MEGF6: variants seen among roughly 807,000 people sequenced by gnomAD.
MEGF6 encodes the protein multiple EGF like domains 6, also known as multiple epidermal growth factor-like domains protein 6.
In MEGF6, 184 loss-of-function variants were observed where a neutral mutation model predicts 207.1. The observed-to-expected ratio is 0.89, with a 90% CI of 0.79 to 1.00. The LOEUF is 1.00. MEGF6 is among the 50% of genes least tolerant of loss of function. The pLI is 0.00. For synonymous variants in MEGF6, 1,038 were observed against 910.0 expected, an observed-to-expected ratio of 1.14 and a Z score of -2.53; for missense variants, 2,282 against 2,202.9, an observed-to-expected ratio of 1.04 and a Z score of -0.72.
chr1:3,555,973 C>T (rs1385271749), intron 4 of MEGF6, among the ~76,000 whole-genome samples: 1 of 152,266 alleles, frequency 6.6e-6, no homozygotes, highest in East Asian at 1.9e-4. Context: ...CTAGGACTGG[C>T]TACATCTCAA....
intron 4 of MEGF6, among the ~76,000 whole-genome samples, chr1:3,525,173 C>G (rs1641914479): frequency 6.6e-6 from 1 of 152,198 alleles, no homozygotes; most frequent in African/African-American, 2.4e-5. Context: ...TATCCCAGGA[C>G]AGAAGCCTTC....
At chr1:3,528,296 C>A (rs1026593689) in intron 4 of MEGF6, among the ~76,000 whole-genome samples, 14 of 152,348 alleles carry the variant, frequency 9.2e-5, no homozygotes, top group Non-Finnish European at 2.1e-4. Flanking sequence ...GTCACCCAAA[C>A]CCTCTCTGCC....
At chr1:3,548,889 A>C (rs1310286102) in intron 4 of MEGF6, among the ~76,000 whole-genome samples, 1 of 152,064 alleles carries the variant, frequency 6.6e-6, no homozygotes, top group Admixed American at 6.5e-5. Context: ...CCACACCCAC[A>C]GGAAAAGCCC....
At chr1:3,501,962 G>C (rs1225657325) in intron 17 of MEGF6, 41 bp from the exon 18 acceptor site, 2 of 1,496,000 alleles carry the variant, frequency 1.3e-6, no homozygotes, top group Admixed American at 4.0e-5. Flanking sequence ...GCACCACGTG[G>C]AGTGGACTGA....
rs1198672426 is a variant in MEGF6 at position 3,560,506 on chromosome 1, GGTGTGGCCTTTCCCAGCAGT to G, written c.481+19299_481+19318del. ...CCCCTGGCACCTCTGCTGTCTCTAC[GGTGTGGCCTTTCCCAGCAGT>G]GTGTGGCCTTGGACTGCTGTCCTCA... On this transcript the variant is annotated intron_variant, in intron 4 of 36. Transcript: ENST00000356575. This position sits in a 1 kb window ranked among gnomAD's most constrained non-coding sequence, Gnocchi z 4.0. 3.3e-5 allele frequency among the ~76,000 whole-genome samples: 5 copies of G among 152,128 alleles called. No homozygotes were observed. The highest frequency in any genetic ancestry group is 3.3e-4 in the Admixed American group (5 of 15,282).
At chr1:3,617,158 C>CTCCTGCCA in the MEGF6 span, among the ~76,000 whole-genome samples, 1 of 149,882 alleles carries the variant, frequency 6.7e-6, no homozygotes, top group South Asian at 2.1e-4. Context: ...CCACCCCCGG[C>CTCCTGCCA]TCCTGCCATC....
chr1:3,595,397 G>A lies in MEGF6; in HGVS notation c.317C>T (p.Thr106Ile). Residue 106 changes from threonine (T) to isoleucine (I), a missense_variant, in exon 3 of 37, where the codon ACC becomes ATC. Coordinates refer to ENST00000356575, the MANE Select transcript of MEGF6 (RefSeq NM_001409.4). ...YRQVYTTEARTVLRCCRGWMQ... is the reference protein window; with the variant it reads ...YRQVYTTEARIVLRCCRGWMQ... ...CCACCCTCGGCAGCACCTGAGCACGGTCCGGGCCTCCGTGGTATACACCTG... is the reference window on the plus strand; with the variant it reads ...CCACCCTCGGCAGCACCTGAGCACGATCCGGGCCTCCGTGGTATACACCTG... 1 of 1,612,728 alleles carries A rather than the reference G, an allele frequency of 6.2e-7. No individual in the cohort carries two copies. The highest frequency in any genetic ancestry group is 8.5e-7 in the Non-Finnish European group (1 of 1,179,926).
chr1:3,508,243 A>C (rs1264960475), intron 13 of MEGF6, among the ~76,000 whole-genome samples: 5 of 152,112 alleles, frequency 3.3e-5, no homozygotes, highest in African/African-American at 1.2e-4. Context: ...TTCAGCAGAC[A>C]CCCCTCACTG....
At chr1:3,494,571 C>T (rs973646828) in intron 31 of MEGF6, 42 bp downstream of exon 31, 2 of 1,561,018 alleles carry the variant, frequency 1.3e-6, no homozygotes, top group Non-Finnish European at 8.6e-7. Flanking sequence ...CAGGGCACCT[C>T]CCTGAGGGGA....
chr1:3,576,193 C>T (rs865851449), intron 4 of MEGF6, among the ~76,000 whole-genome samples: 7 of 152,372 alleles, frequency 4.6e-5, no homozygotes, highest in East Asian at 1.9e-4. Context: ...CTCCACCCTC[C>T]GGGCAGACAG....
chr1:3,590,595 C>T (rs1331947678), intron 3 of MEGF6, among the ~76,000 whole-genome samples: 1 of 151,132 alleles, frequency 6.6e-6, no homozygotes, highest in Non-Finnish European at 1.5e-5. Flanking sequence ...CTCGCTCCTA[C>T]ACAAACACGG....
Position 3,514,557 on chromosome 1 carries a change from G to T in MEGF6, c.846C>A (p.Ala282=). 6.3e-7 allele frequency: 1 copy of T among 1,591,998 alleles called. No homozygotes were observed. The change falls in exon 7 of 37, where the codon GCC becomes GCA. Residue 282 remains alanine (A), a synonymous_variant. Transcript: ENST00000356575. ...AGGGGAGGGGCGTCCTACCTTCACA[G>T]GCCTTGCCGTCCGCTGCTAGCTGAT... ...VGYQLAADGK[A]CEDVDECAAG...
At chr1:3,552,559 G>C (rs1394264706) in intron 4 of MEGF6, among the ~76,000 whole-genome samples, 1 of 152,230 alleles carries the variant, frequency 6.6e-6, no homozygotes, top group Non-Finnish European at 1.5e-5. Context: ...GCTAGGTGTG[G>C]TGGCGCACGC....
At chr1:3,510,039 A>T in intron 10 of MEGF6, 47 bp from the exon 11 acceptor site, 1 of 1,555,572 alleles carries the variant, frequency 6.4e-7, no homozygotes, top group Non-Finnish European at 8.6e-7. Context: ...CAGGTGGGGA[A>T]CCAGGAAGGC....
chr1:3,501,327 G>A lies in MEGF6; in HGVS notation c.2315-19C>T. On this transcript the variant is annotated intron_variant, in intron 18 of 36. Coordinates refer to ENST00000356575, the MANE Select transcript of MEGF6 (RefSeq NM_001409.4). ...GGACAATCTAGTGCCCACCCCCATGGCCAGTCAGTGCCCAAGCTGCCCTTG... is the reference window on the plus strand; with the variant it reads ...GGACAATCTAGTGCCCACCCCCATGACCAGTCAGTGCCCAAGCTGCCCTTG... 6.3e-7 allele frequency: 1 copy of A among 1,582,978 alleles called. No individual in the cohort carries two copies. Among genetic ancestry groups the A allele is most frequent in the Non-Finnish European group, 8.6e-7 (1 of 1,164,762 alleles).
At chr1:3,502,880 C>T (rs183224174) in intron 17 of MEGF6, among the ~76,000 whole-genome samples, 17 of 152,320 alleles carry the variant, frequency 1.1e-4, no homozygotes, top group African/African-American at 3.8e-4. Context: ...CGGGTAGCAG[C>T]GAAGCCTCCC....
chr1:3,587,022 C>T (rs556973895), intron 3 of MEGF6, among the ~76,000 whole-genome samples: 15 of 152,366 alleles, frequency 9.8e-5, no homozygotes, highest in East Asian at 5.8e-4. Context: ...CACCCCCGTC[C>T]GGGGTTTCTG....
At chr1:3,501,707 C>T in intron 18 of MEGF6, 89 bp downstream of exon 18, 1 of 1,500,154 alleles carries the variant, frequency 6.7e-7, no homozygotes, top group Non-Finnish European at 8.9e-7. Flanking sequence ...CTGGGATCCG[C>T]AGGGCTGGGG....
At chr1:3,589,839 A>T (rs1438429131) in intron 3 of MEGF6, among the ~76,000 whole-genome samples, 4 of 152,242 alleles carry the variant, frequency 2.6e-5, no homozygotes, top group Non-Finnish European at 5.9e-5. Flanking sequence ...TGGCCTCAAG[A>T]TTCAAGGTGC....
Sources: allele counts gnomAD v4.1 joint callset (sites outside exome capture counted in the v4.1 genomes callset), GRCh38; gene constraint gnomAD v4.1.1; non-coding constraint Gnocchi (gnomAD v3.1); transcripts MANE v1.5; gene names NCBI Gene and HGNC (gene_info 2026-07-23, HGNC 2026-07-21).